Variants in PPARGC1A observed in about 807,000 individuals in gnomAD.
PPARGC1A encodes the protein peroxisome proliferator-activated receptor gamma coactivator 1-alpha.
Under a neutral mutation model 88.7 loss-of-function variants are expected in PPARGC1A, and 25 were observed. The ratio of observed to expected loss-of-function variants is 0.28; its 90% confidence interval spans 0.21 to 0.39. The LOEUF is 0.39. PPARGC1A is among the 10% of genes least tolerant of loss of function. The probability of loss-of-function intolerance (pLI) is 1.00; values close to 1 mark genes in which losing one functional copy is unlikely to be tolerated. For missense variants in PPARGC1A, 880 were observed against 968.7 expected (o/e 0.91, Z 1.22); for synonymous variants, 363 against 355.6 (o/e 1.02, Z -0.24).
At chr4:23,997,410 G>A in the PPARGC1A span, among the ~76,000 whole-genome samples, 3,137 of 150,220 alleles carry the variant, frequency 0.021, 109 homozygotes, top group African/African-American at 0.074. Flanking sequence ...GAGGCATCCT[G>A]TTCTCTCTGT....
chr4:24,125,987 GA>G, the PPARGC1A span, among the ~76,000 whole-genome samples: 1 of 152,204 alleles, frequency 6.6e-6, no homozygotes, highest in Non-Finnish European at 1.5e-5. Flanking sequence ...GCTTTGAAAT[GA>G]GGTTGCTCTT....
the PPARGC1A span, among the ~76,000 whole-genome samples, chr4:24,067,528 G>C: frequency 6.6e-6 from 1 of 152,162 alleles, no homozygotes; most frequent in Non-Finnish European, 1.5e-5. Context: ...CTCAGAAACA[G>C]AGCACAGAAC....
the PPARGC1A span, among the ~76,000 whole-genome samples, chr4:24,114,123 CAAAA>C: frequency 1.6e-5 from 1 of 60,842 alleles, no homozygotes; most frequent in Non-Finnish European, 3.0e-5. Flanking sequence ...GACTCCATCA[CAAAA>C]AAAAAAAAAA....
intron 2 of PPARGC1A, among the ~76,000 whole-genome samples, chr4:23,833,850 T>C (rs779744729): frequency 6.6e-6 from 1 of 152,182 alleles, no homozygotes; most frequent in Non-Finnish European, 1.5e-5. Flanking sequence ...GGGTGCAACA[T>C]GGTGTGTCTG....
chr4:24,158,562 A>T, the PPARGC1A span, among the ~76,000 whole-genome samples: 1 of 152,340 alleles, frequency 6.6e-6, no homozygotes, highest in East Asian at 1.9e-4. Context: ...TATTGTAATT[A>T]GTCTGAAAGA....
At chr4:24,286,078 C>G in the PPARGC1A span, among the ~76,000 whole-genome samples, 1 of 152,048 alleles carries the variant, frequency 6.6e-6, no homozygotes, top group Admixed American at 6.5e-5. Flanking sequence ...CCCATACAGG[C>G]TTTCCCTCTC....
At chr4:23,890,711 T>C (rs1717727047), upstream of PPARGC1A, among the ~76,000 whole-genome samples, 3 of 148,180 alleles carry the variant, frequency 2.0e-5, no homozygotes, top group Admixed American at 6.9e-5. Flanking sequence ...CCCATGGCAG[T>C]AGGGAATACC....
At chr4:24,301,316 T>C in the PPARGC1A span, among the ~76,000 whole-genome samples, 11 of 152,212 alleles carry the variant, frequency 7.2e-5, no homozygotes, top group Non-Finnish European at 1.6e-4. Flanking sequence ...GAGGTTCATG[T>C]TGATGAGAAT....
chr4:24,386,591 A>G, the PPARGC1A span, among the ~76,000 whole-genome samples: 22 of 152,272 alleles, frequency 1.4e-4, no homozygotes, highest in African/African-American at 2.6e-4. Context: ...ATTCCTATAC[A>G]CCAATAATAG....
At chr4:24,458,929 C>T in the PPARGC1A span, among the ~76,000 whole-genome samples, 24 of 151,940 alleles carry the variant, frequency 1.6e-4, no homozygotes, top group East Asian at 3.9e-4. Context: ...AGAAAGAAGA[C>T]GGGAAATATA....
chr4:24,131,129 A>G, the PPARGC1A span, among the ~76,000 whole-genome samples: 1 of 152,052 alleles, frequency 6.6e-6, no homozygotes, highest in African/African-American at 2.4e-5. Flanking sequence ...TCTAGGTGCC[A>G]TGTCTATCTT....
At chr4:24,067,065 A>C in the PPARGC1A span, among the ~76,000 whole-genome samples, 1 of 152,110 alleles carries the variant, frequency 6.6e-6, no homozygotes, top group East Asian at 1.9e-4. Context: ...TAGAATATCT[A>C]TACGTTCATT....
the PPARGC1A span, among the ~76,000 whole-genome samples, chr4:24,074,096 G>A: frequency 7.2e-5 from 11 of 152,048 alleles, no homozygotes; most frequent in Middle Eastern, 3.2e-3. Context: ...GGAGGATCCC[G>A]CAAAAGGGAT....
At chr4:24,060,518 C>CAAAATACTTTTGTAGAAGTAT in the PPARGC1A span, among the ~76,000 whole-genome samples, 2 of 152,122 alleles carry the variant, frequency 1.3e-5, no homozygotes, top group Non-Finnish European at 2.9e-5. Flanking sequence ...TTTAAAAGTA[C>CAAAATACTTTTGTAGAAGTAT]TTTTGTAGAA....
the PPARGC1A span, among the ~76,000 whole-genome samples, chr4:24,367,182 AGGAAAAGTG>A: frequency 1.0e-3 from 156 of 152,340 alleles, no homozygotes; most frequent in Middle Eastern, 6.8e-3. Context: ...CTACTGTGGA[AGGAAAAGTG>A]GGCATCCCAG....
At chr4:24,181,804 C>A in the PPARGC1A span, among the ~76,000 whole-genome samples, 1 of 152,120 alleles carries the variant, frequency 6.6e-6, no homozygotes, top group Non-Finnish European at 1.5e-5. Context: ...GAAAATCTAA[C>A]TTCCTGAAGT....
At chr4:24,377,990 G>T in the PPARGC1A span, among the ~76,000 whole-genome samples, 2 of 152,048 alleles carry the variant, frequency 1.3e-5, no homozygotes, top group Admixed American at 6.5e-5. Context: ...TGTAATTTAC[G>T]ATTGCTTCAG....
At chr4:23,933,547 G>T in the PPARGC1A span, among the ~76,000 whole-genome samples, 1 of 152,132 alleles carries the variant, frequency 6.6e-6, no homozygotes, top group Non-Finnish European at 1.5e-5. Flanking sequence ...AGGAACTGGA[G>T]AATGGAAAGA....
the PPARGC1A span, among the ~76,000 whole-genome samples, chr4:23,987,558 C>T: frequency 6.6e-6 from 1 of 151,966 alleles, no homozygotes; most frequent in African/African-American, 2.4e-5. Context: ...TGTGTCACTG[C>T]TTCCTGGAAG....
Sources: allele counts gnomAD v4.1 joint callset (sites outside exome capture counted in the v4.1 genomes callset), GRCh38; gene constraint gnomAD v4.1.1; transcripts MANE v1.5; gene names NCBI Gene and HGNC (gene_info 2026-07-23, HGNC 2026-07-21).